Variants in TSPAN18 observed in about 807,000 individuals in gnomAD.
TSPAN18 encodes the protein tetraspanin-18.
In TSPAN18, 14 loss-of-function variants were observed where a neutral mutation model predicts 27.3. The ratio of observed to expected loss-of-function variants is 0.51; its 90% CI spans 0.34 to 0.80. The LOEUF (loss-of-function observed/expected upper bound fraction) is 0.80, where lower values mean the gene tolerates loss of function less well. TSPAN18 is among the 30% of genes least tolerant of loss of function. The pLI is 0.01. For synonymous variants in TSPAN18, 143 were observed against 136.5 expected (o/e 1.05, Z -0.33); for missense variants, 268 against 323.9 (o/e 0.83, Z 1.32).
intron 2 of TSPAN18, among the ~76,000 whole-genome samples, chr11:44,827,840 C>T (rs1239101234): frequency 6.6e-6 from 1 of 152,142 alleles, no homozygotes; most frequent in Admixed American, 6.5e-5. Flanking sequence ...AGGAGAGGGA[C>T]ATGGGAAGCA....
At chr11:44,924,097 T>TTGTGTGTG (rs57394106) in intron 8 of TSPAN18, among the ~76,000 whole-genome samples, 13,039 of 145,774 alleles carry the variant, frequency 0.089, 954 homozygotes, top group African/African-American at 0.2. Flanking sequence ...CCTTCTGGGG[T>TTGTGTGTG]TGTGTGTGTG....
At chr11:44,908,497 G>T (rs1859539094) in intron 4 of TSPAN18, among the ~76,000 whole-genome samples, 1 of 152,092 alleles carries the variant, frequency 6.6e-6, no homozygotes, top group South Asian at 2.1e-4. Context: ...ATTTTGGGAG[G>T]CCAAGGCAGG....
At chr11:44,809,386 G>A (rs1297531217) in intron 2 of TSPAN18, among the ~76,000 whole-genome samples, 1 of 151,894 alleles carries the variant, frequency 6.6e-6, no homozygotes, top group Non-Finnish European at 1.5e-5. Context: ...CCTGGCACAT[G>A]GAGACTATGC....
intron 2 of TSPAN18, among the ~76,000 whole-genome samples, chr11:44,857,529 G>T (rs1372119199): frequency 6.6e-6 from 1 of 152,222 alleles, no homozygotes; most frequent in Non-Finnish European, 1.5e-5. Context: ...GTTGGAGCAG[G>T]TAGCTAGAGA....
intron 8 of TSPAN18, chr11:44,926,254 T>C: frequency 5.7e-6 from 1 of 175,966 alleles, no homozygotes; most frequent in South Asian, 1.2e-4. Context: ...GGTGGAGTGC[T>C]GTGGATCCCC....
intron 1 of TSPAN18, among the ~76,000 whole-genome samples, chr11:44,756,510 A>G (rs761171039): frequency 5.3e-5 from 8 of 152,154 alleles, no homozygotes; most frequent in African/African-American, 9.7e-5. Context: ...ATCCATCTCC[A>G]TAACTCTTTT....
At chr11:44,781,982 G>C (rs1855948885) in intron 2 of TSPAN18, among the ~76,000 whole-genome samples, 1 of 152,128 alleles carries the variant, frequency 6.6e-6, no homozygotes, top group Non-Finnish European at 1.5e-5. Context: ...TCAGCTTACT[G>C]TTTCTAAGAT....
intron 2 of TSPAN18, among the ~76,000 whole-genome samples, chr11:44,772,680 A>T (rs1255330117): frequency 1.3e-5 from 2 of 152,078 alleles, no homozygotes; most frequent in Non-Finnish European, 2.9e-5. Flanking sequence ...TTATTTTGAG[A>T]TGGAATTTTG....
intron 1 of TSPAN18, among the ~76,000 whole-genome samples, chr11:44,734,841 G>A (rs893212519): frequency 1.3e-5 from 2 of 152,160 alleles, no homozygotes; most frequent in African/African-American, 2.4e-5. Context: ...GTGCTCTAGT[G>A]GGCCAAGTGC....
At chr11:44,756,375 CT>C (rs1367938784) in intron 1 of TSPAN18, among the ~76,000 whole-genome samples, 2 of 152,068 alleles carry the variant, frequency 1.3e-5, no homozygotes, top group African/African-American at 4.8e-5. Flanking sequence ...TAGCTACTCC[CT>C]TTTTTTCCCC....
chr11:44,848,277 C>T (rs974842476), intron 2 of TSPAN18, among the ~76,000 whole-genome samples: 5 of 152,156 alleles, frequency 3.3e-5, no homozygotes, highest in Admixed American at 6.5e-5. Context: ...CAGTCCTTTG[C>T]GCACCAAAGA....
intron 8 of TSPAN18, 51 bp from the exon 9 acceptor site, chr11:44,926,623 C>G (rs1860365650): frequency 6.4e-7 from 1 of 1,551,326 alleles, no homozygotes; most frequent in Non-Finnish European, 8.9e-7. Context: ...GACTCTGACT[C>G]CAGGACTCTC....
intron 3 of TSPAN18, among the ~76,000 whole-genome samples, chr11:44,899,789 G>T (rs562072768): frequency 2.0e-4 from 30 of 152,280 alleles, no homozygotes; most frequent in Non-Finnish European, 4.0e-4. Context: ...AAAGTGATAG[G>T]CCGGGTCCCA....
chr11:44,747,460 G>A (rs1052394614), intron 1 of TSPAN18, among the ~76,000 whole-genome samples: 2 of 152,196 alleles, frequency 1.3e-5, no homozygotes, highest in African/African-American at 4.8e-5. Context: ...CTGCTATGAG[G>A]AGGGACTGTT....
intron 1 of TSPAN18, among the ~76,000 whole-genome samples, chr11:44,753,104 T>C (rs887562357): frequency 6.6e-6 from 1 of 152,164 alleles, no homozygotes; most frequent in African/African-American, 2.4e-5. Context: ...GGACCTCACC[T>C]TTCTCACTTG....
intron 2 of TSPAN18, among the ~76,000 whole-genome samples, chr11:44,779,759 A>G (rs1266803382): frequency 6.6e-6 from 1 of 152,014 alleles, no homozygotes; most frequent in Non-Finnish European, 1.5e-5. Flanking sequence ...GTGCACACCT[A>G]TCCACATGCC....
intron 3 of TSPAN18, among the ~76,000 whole-genome samples, chr11:44,861,793 TCACACACACACACACA>T (rs56816197): frequency 5.3e-5 from 7 of 132,044 alleles, no homozygotes; most frequent in African/African-American, 1.5e-4. Flanking sequence ...AGCCCAAATT[TCACACACACACACACA>T]CACACACACA....
At chr11:44,868,113 C>T (rs1204996168) in intron 3 of TSPAN18, among the ~76,000 whole-genome samples, 4 of 152,024 alleles carry the variant, frequency 2.6e-5, no homozygotes, top group Admixed American at 2.0e-4. Context: ...AAAAGGAGGC[C>T]GGGTGCAGCG....
At chr11:44,787,359 A>C (rs190521162) in intron 2 of TSPAN18, among the ~76,000 whole-genome samples, 1 of 152,338 alleles carries the variant, frequency 6.6e-6, no homozygotes, top group African/African-American at 2.4e-5. Flanking sequence ...GAGTCACCTT[A>C]TGTGGATTCC....
Sources: gnomAD v4.1 joint callset for allele counts (sites outside exome capture counted in the v4.1 genomes callset) on GRCh38, gnomAD v4.1.1 for gene constraint, MANE v1.5 for transcripts, NCBI Gene and HGNC (gene_info 2026-07-23, HGNC 2026-07-21) for gene names.